Variants in ABCC8 observed in about 807,000 individuals in gnomAD.
ABCC8 encodes the protein ATP-binding cassette sub-family C member 8.
A neutral mutation model predicts 188.0 loss-of-function variants in ABCC8; 137 were observed. The observed-to-expected ratio is 0.73, with a 90% CI of 0.63 to 0.84. The LOEUF is 0.84. ABCC8 is among the 40% of genes least tolerant of loss of function. ABCC8 has a pLI of 0.00. For missense variants in ABCC8, 1,750 were observed against 2,072.7 expected, an observed-to-expected ratio of 0.84 and a Z score of 3.02; for synonymous variants, 797 against 846.5, an observed-to-expected ratio of 0.94 and a Z score of 1.01.
rs149415064 is a variant in ABCC8 at position 17,464,559 on chromosome 11, GC to G, written c.413-956del. Among the ~76,000 whole-genome samples, 1,210 of 152,336 alleles carry G rather than the reference GC, an allele frequency of 7.9e-3. 14 individuals carry two copies. Among genetic ancestry groups the G allele is most frequent in the African/African-American group, 0.027 (1,108 of 41,568 alleles). ...GGTTCTTGTGAGAAACATATGGAAA[GC>G]ATTTAGTGCAGTGAGCCTCACACGC... is the stretch of plus-strand genomic sequence containing the variant. On this transcript the variant is annotated intron_variant, in intron 3 of 38. Transcript: ENST00000389817.
chr11:17,420,726 T>C (rs1307170087), intron 16 of ABCC8, among the ~76,000 whole-genome samples: 1 of 152,172 alleles, frequency 6.6e-6, no homozygotes, highest in African/African-American at 2.4e-5. Context: ...CGCTGATCCT[T>C]TCCTCAGGGC....
Position 17,395,707 on chromosome 11 carries a change from T to C in ABCC8, c.4210A>G (p.Ile1404Val), listed in dbSNP as rs1429448310. The C allele has an allele frequency of 6.4e-7, 1 of 1,555,092 alleles. No individual in the cohort carries two copies. Among genetic ancestry groups the C allele is most frequent in the Non-Finnish European group, 8.7e-7 (1 of 1,148,820 alleles). ...MVDTFEGHII[I>V]DGIDIAKLPL... ...AGTTTGGCGATGTCAATGCCATCAA[T>C]GATGATGTGCCCTGCATGGGTCCCA... Residue 1404 changes from isoleucine (I) to valine (V), a missense_variant, in exon 35 of 39, where the codon ATT becomes GTT. Physicochemically the swap from Ile to Val is conservative, Grantham distance 29. Transcript: ENST00000389817.
chr11:17,459,915 A>G (rs540990845), intron 6 of ABCC8, among the ~76,000 whole-genome samples: 1 of 152,360 alleles, frequency 6.6e-6, no homozygotes, highest in Admixed American at 6.5e-5. Flanking sequence ...AGCCATGGAA[A>G]CTTTTCTTAA....
At chr11:17,438,512 CAATGGACAG>C (rs1361916035) in intron 10 of ABCC8, among the ~76,000 whole-genome samples, 5 of 152,190 alleles carry the variant, frequency 3.3e-5, no homozygotes, top group Non-Finnish European at 7.3e-5. Context: ...GGGTATCTCA[CAATGGACAG>C]AATGAACTGG....
At chr11:17,424,704 T>C (rs1420436243) in intron 16 of ABCC8, among the ~76,000 whole-genome samples, 1 of 152,214 alleles carries the variant, frequency 6.6e-6, no homozygotes, top group African/African-American at 2.4e-5. Flanking sequence ...AAGCCCTGCC[T>C]TGGAGGAGAG....
chr11:17,444,824 C>T (rs1018269239), intron 8 of ABCC8, among the ~76,000 whole-genome samples: 2 of 152,196 alleles, frequency 1.3e-5, no homozygotes, highest in African/African-American at 4.8e-5. Context: ...CTTAACCTCT[C>T]TGGTTTTCAG....
intron 7 of ABCC8, among the ~76,000 whole-genome samples, chr11:17,450,941 C>T (rs1481088297): frequency 6.6e-6 from 1 of 152,088 alleles, no homozygotes; most frequent in African/African-American, 2.4e-5. Context: ...CCCGCCTCAG[C>T]CTCCCAAAGC....
intron 8 of ABCC8, among the ~76,000 whole-genome samples, chr11:17,444,068 C>CA (rs2133600494): frequency 6.6e-6 from 1 of 152,282 alleles, no homozygotes; most frequent in African/African-American, 2.4e-5. Context: ...CCTGTAGTCC[C>CA]AGAGCCCTAC....
intron 11 of ABCC8, 121 bp downstream of exon 11, chr11:17,432,083 C>A: frequency 1.5e-6 from 2 of 1,330,656 alleles, no homozygotes; most frequent in South Asian, 1.4e-5. Context: ...TATTTTCAGT[C>A]TGGCTGTGGA....
rs1347629560 is a variant in ABCC8, at chr11:17,395,154, A to C, written c.4411+18T>G. ...TTGAGTGCCCAACCAACCCAGCTGC[A>C]TAGCCAGGAGTAGTTACCGAGGCCT... On this transcript the variant is annotated intron_variant, in intron 36 of 38. Coordinates refer to ENST00000389817, the MANE Select transcript of ABCC8 (RefSeq NM_000352.6). 6.4e-7 allele frequency: 1 copy of C among 1,559,176 alleles called. No individual in the cohort carries two copies.
chr11:17,396,767 G>C, intron 33 of ABCC8, 149 bp downstream of exon 33: 1 of 1,008,158 alleles, frequency 9.9e-7, no homozygotes. Context: ...GGCCCCCACA[G>C]GCCCAGGGCA....
intron 16 of ABCC8, among the ~76,000 whole-genome samples, chr11:17,418,644 T>C (rs1037828193): frequency 1.3e-5 from 2 of 152,184 alleles, no homozygotes; most frequent in African/African-American, 4.8e-5. Context: ...GATGCATCTG[T>C]GGCATTCCTG....
chr11:17,453,381 T>C, intron 6 of ABCC8, 98 bp from the exon 7 acceptor site: 1 of 1,522,146 alleles, frequency 6.6e-7, no homozygotes, highest in Non-Finnish European at 9.0e-7. Context: ...CCATCATTAT[T>C]ACAAGACCCT....
chr11:17,399,451 C>T (rs956915149), intron 29 of ABCC8, among the ~76,000 whole-genome samples: 5 of 152,110 alleles, frequency 3.3e-5, no homozygotes, highest in African/African-American at 7.2e-5. Flanking sequence ...TAAAGTCTTC[C>T]CTACCCCAGG....
At chr11:17,433,197 C>A (rs187452540) in intron 10 of ABCC8, among the ~76,000 whole-genome samples, 37 of 152,316 alleles carry the variant, frequency 2.4e-4, no homozygotes, top group African/African-American at 8.7e-4. Context: ...AGCAGCCCCC[C>A]CATGGCATAA....
At chr11:17,407,255 G>C in intron 24 of ABCC8, 99 bp downstream of exon 24, 2 of 1,610,470 alleles carry the variant, frequency 1.2e-6, no homozygotes, top group Non-Finnish European at 1.7e-6. Context: ...TTTAATCAAA[G>C]GCACACTACT....
intron 21 of ABCC8, among the ~76,000 whole-genome samples, chr11:17,411,480 C>T (rs1954801915): frequency 6.6e-6 from 1 of 152,222 alleles, no homozygotes; most frequent in Non-Finnish European, 1.5e-5. Flanking sequence ...TGAATCTTCC[C>T]ACTGTGAAGT....
At chr11:17,397,130 G>T in intron 32 of ABCC8, 63 bp downstream of exon 32, 5 of 1,613,342 alleles carry the variant, frequency 3.1e-6, no homozygotes, top group Non-Finnish European at 4.2e-6. Flanking sequence ...GCTCCCTTGT[G>T]GCCCCCAACC....
chr11:17,397,826 G>C (rs369904679), intron 30 of ABCC8, 29 bp from the exon 31 acceptor site: 148 of 1,611,572 alleles, frequency 9.2e-5, no homozygotes, highest in Non-Finnish European at 1.2e-4. Flanking sequence ...TGACCTGGGC[G>C]CTCAGGGGTT....
Sources: allele counts gnomAD v4.1 joint callset (sites outside exome capture counted in the v4.1 genomes callset), GRCh38; gene constraint gnomAD v4.1.1; transcripts MANE v1.5; gene names NCBI Gene and HGNC (gene_info 2026-07-23, HGNC 2026-07-21).